Variants in USP48 observed in about 807,000 individuals in gnomAD.
USP48 encodes the protein ubiquitin carboxyl-terminal hydrolase 48.
Under a neutral mutation model 150.7 loss-of-function variants are expected in USP48, and 43 were observed. The ratio of observed to expected loss-of-function variants is 0.29; its 90% confidence interval spans 0.22 to 0.37. The LOEUF is 0.37. Ranked by LOEUF, USP48 falls within the 10% of genes least tolerant of loss-of-function variation. The pLI is 1.00. For synonymous variants in USP48, 396 were observed against 425.9 expected (o/e 0.93, Z 0.86); for missense variants, 813 against 1,249.6 (o/e 0.65, Z 5.27).
intron 19 of USP48, chr1:21,704,633 T>C (rs1299935968): frequency 7.8e-6 from 3 of 383,202 alleles, no homozygotes; most frequent in Non-Finnish European, 1.4e-5. Context: ...AAAACATAAT[T>C]GAGTAAAATA....
intron 1 of USP48, among the ~76,000 whole-genome samples, chr1:21,762,122 C>T (rs2097851387): frequency 1.3e-5 from 2 of 152,126 alleles, no homozygotes; most frequent in African/African-American, 4.8e-5. Context: ...CAAAAATGTG[C>T]CAAGCGTGGT....
Position 21,728,404 on chromosome 1 carries a change from C to T in USP48, c.1450+166G>A, listed in dbSNP as rs1423885535. 3.6e-6 allele frequency: 5 copies of T among 1,396,432 alleles called. No individual in the cohort carries two copies. The South Asian group carries it at 7.3e-5, about 20-fold the overall frequency. The allele number at this position is 1,396,432 out of a possible 1,614,324, so 86.5% of individuals were successfully genotyped here. On this transcript the variant is annotated intron_variant, in intron 11 of 26. Coordinates refer to ENST00000308271, the MANE Select transcript of USP48 (RefSeq NM_032236.8). Reference sequence around the variant, plus strand: ...CGTAATGAAATAATATGGAATGCTACACATCAAGTTATTGTTGGTTTACAA... The same window carrying T: ...CGTAATGAAATAATATGGAATGCTATACATCAAGTTATTGTTGGTTTACAA...
At chr1:21,735,770 C>A (rs2097767425) in intron 9 of USP48, among the ~76,000 whole-genome samples, 2 of 152,092 alleles carry the variant, frequency 1.3e-5, no homozygotes, top group African/African-American at 4.8e-5. Context: ...TGCCTGTAAT[C>A]CCAGCTACTT....
chr1:21,768,831 G>T (rs1328503954), intron 1 of USP48, among the ~76,000 whole-genome samples: 5 of 152,074 alleles, frequency 3.3e-5, no homozygotes, highest in African/African-American at 1.2e-4. Context: ...GCAGGGTCTT[G>T]TTCTGTTGCC....
chr1:21,779,023 C>T (rs142127423), intron 1 of USP48, among the ~76,000 whole-genome samples: 9,880 of 151,946 alleles, frequency 0.065, 415 homozygotes, highest in Non-Finnish European at 0.095. Context: ...CCTCGTGATC[C>T]GCCAGCCTTG....
intron 14 of USP48, among the ~76,000 whole-genome samples, chr1:21,717,866 G>A (rs2097709085): frequency 6.6e-6 from 1 of 151,936 alleles, no homozygotes; most frequent in African/African-American, 2.4e-5. Flanking sequence ...AGCCCAGGAG[G>A]TGGAGGTTGG....
intron 11 of USP48, chr1:21,724,790 A>C (rs1485355968): frequency 6.6e-6 from 1 of 152,226 alleles, no homozygotes; most frequent in Non-Finnish European, 1.5e-5. Context: ...TCAATTTTGA[A>C]GTTGCAAAAA....
intron 3 of USP48, among the ~76,000 whole-genome samples, chr1:21,755,315 C>A (rs1253070409): frequency 1.3e-5 from 2 of 151,996 alleles, no homozygotes; most frequent in Non-Finnish European, 2.9e-5. Context: ...AATCCCAGCA[C>A]TCTGGGAGAC....
chr1:21,744,416 CA>C (rs2152569964), intron 8 of USP48, among the ~76,000 whole-genome samples: 1 of 150,310 alleles, frequency 6.7e-6, no homozygotes, highest in South Asian at 2.1e-4. Context: ...CACTGCACTC[CA>C]GCCTGGGCGA....
intron 1 of USP48, among the ~76,000 whole-genome samples, chr1:21,779,898 A>G (rs1265203875): frequency 2.6e-5 from 4 of 152,200 alleles, no homozygotes; most frequent in Non-Finnish European, 2.9e-5. Context: ...GGAGGGCCTA[A>G]CCAGAAAAAC....
intron 15 of USP48, among the ~76,000 whole-genome samples, chr1:21,707,382 CTTAAG>C (rs1009112466): frequency 2.4e-4 from 37 of 152,304 alleles, no homozygotes; most frequent in African/African-American, 8.4e-4. Flanking sequence ...AGACCACTGC[CTTAAG>C]TTATCAATTC....
At chr1:21,695,634 A>T (rs2097626089) in intron 22 of USP48, among the ~76,000 whole-genome samples, 2 of 152,166 alleles carry the variant, frequency 1.3e-5, no homozygotes. Context: ...ATTTGAGCCC[A>T]GTGGTTCCAG....
At chr1:21,730,135 T>C (rs775751743) in intron 9 of USP48, among the ~76,000 whole-genome samples, 1 of 152,132 alleles carries the variant, frequency 6.6e-6, no homozygotes, top group Non-Finnish European at 1.5e-5. Context: ...TTTATGTTAG[T>C]CTTAAATTAC....
Position 21,679,107 on chromosome 1 carries a change from T to C in USP48, c.*310A>G, listed in dbSNP as rs1350173788. 3 of 457,018 alleles carry C rather than the reference T, an allele frequency of 6.6e-6. No individual in the cohort carries two copies. Among genetic ancestry groups the C allele is most frequent in the African/African-American group, 4.0e-5 (2 of 50,310 alleles). 28.3% of individuals were successfully genotyped at this position (457,018 alleles called of 1,614,324 possible). ...GAACTTTATTCCCCTCCCACGACTA[T>C]AAATCTCATATGTAAACATGATTTA... On this transcript the variant is annotated 3_prime_UTR_variant, in exon 27 of 27. Coordinates refer to ENST00000308271, the MANE Select transcript of USP48 (RefSeq NM_032236.8).
chr1:21,709,863 T>G lies in USP48; in HGVS notation c.1964-2995A>C, dbSNP rs189431899. Among the ~76,000 whole-genome samples, 52 of 152,328 alleles carry G rather than the reference T, an allele frequency of 3.4e-4. No homozygotes were observed. In the South Asian group the frequency reaches 5.2e-3, roughly 15 times the overall value. On this transcript the variant is annotated intron_variant, in intron 15 of 26. Coordinates refer to ENST00000308271, the MANE Select transcript of USP48 (RefSeq NM_032236.8). ...AGTCATTTTACTGTAGTCTAGTTGGTAATAAAAATATATAGTCCTTCACTC... is the reference window on the plus strand; with the variant it reads ...AGTCATTTTACTGTAGTCTAGTTGGGAATAAAAATATATAGTCCTTCACTC...
intron 1 of USP48, among the ~76,000 whole-genome samples, chr1:21,766,110 G>A (rs966872065): frequency 4.6e-5 from 7 of 152,052 alleles, no homozygotes; most frequent in Admixed American, 6.6e-5. Context: ...GCTCACACCC[G>A]TAGTCCCAGC....
chr1:21,771,580 G>A (rs2097880750), intron 1 of USP48, among the ~76,000 whole-genome samples: 1 of 151,602 alleles, frequency 6.6e-6, no homozygotes, highest in Non-Finnish European at 1.5e-5. Context: ...TAGAATTGTG[G>A]TATCACTACA....
At chr1:21,687,822 T>C (rs942977829) in intron 24 of USP48, among the ~76,000 whole-genome samples, 1 of 152,212 alleles carries the variant, frequency 6.6e-6, no homozygotes, top group Non-Finnish European at 1.5e-5. Context: ...CAGGCTGTTT[T>C]AGGACTTTAG....
intron 1 of USP48, among the ~76,000 whole-genome samples, chr1:21,768,051 T>C (rs1329217467): frequency 6.6e-6 from 1 of 151,710 alleles, no homozygotes; most frequent in East Asian, 1.9e-4. Flanking sequence ...ACTAAAAATA[T>C]AAAAAAGTAG....
Sources: allele counts gnomAD v4.1 joint callset (sites outside exome capture counted in the v4.1 genomes callset), GRCh38; gene constraint gnomAD v4.1.1; transcripts MANE v1.5; gene names NCBI Gene and HGNC (gene_info 2026-07-23, HGNC 2026-07-21).